Variants in OSR2 observed in about 807,000 individuals in gnomAD.
The protein encoded by OSR2 is odd-skipped related transciption factor 2, also known as protein odd-skipped-related 2.
In OSR2, 8 loss-of-function variants were observed where a neutral mutation model predicts 22.3. The ratio of observed to expected loss-of-function variants is 0.36; its 90% CI spans 0.21 to 0.65. The LOEUF is 0.65. Ranked by LOEUF, OSR2 falls within the 30% of genes least tolerant of loss-of-function variation. OSR2 has a pLI of 0.66. For synonymous variants in OSR2, 179 were observed against 173.8 expected (o/e 1.03, Z -0.23); for missense variants, 311 against 413.4 (o/e 0.75, Z 2.15).
Position 98,949,684 on chromosome 8 carries a change from C to T in OSR2, c.656+76C>T. 1 of 1,489,266 alleles carries T rather than the reference C, an allele frequency of 6.7e-7. No homozygotes were observed. Among genetic ancestry groups the T allele is most frequent in the Non-Finnish European group, 9.1e-7 (1 of 1,101,420 alleles). The allele number at this position is 1,489,266 out of a possible 1,614,324, so 92.3% of individuals were successfully genotyped here. On this transcript the variant is annotated intron_variant, in intron 2 of 3. Coordinates refer to ENST00000297565, the MANE Select transcript of OSR2 (RefSeq NM_001142462.3). This position sits in a 1 kb window ranked among gnomAD's most constrained non-coding sequence, Gnocchi z 5.9. ...GACACACCGAGTCCTGATAGACATT[C>T]CCAGTGTCATTATAATCCCCTGTGA...
At position 98,951,726 on chromosome 8, in the gene OSR2, C is replaced by T. The variant is rs763758294; in HGVS notation, c.*25C>T. The T allele has an allele frequency of 1.1e-5, 18 of 1,590,134 alleles. No homozygotes were observed. Among genetic ancestry groups the T allele is most frequent in the Middle Eastern group, 1.9e-4 (1 of 5,182 alleles). ...GAGAAGCCCAGGATCTGTCCCGTGCCGCCGCTGCTCCCCTCCCCAGACACC... is the reference window on the plus strand; with the variant it reads ...GAGAAGCCCAGGATCTGTCCCGTGCTGCCGCTGCTCCCCTCCCCAGACACC... On this transcript the variant is annotated 3_prime_UTR_variant, in exon 4 of 4. Transcript: ENST00000297565.
intron 3 of OSR2, 112 bp from the exon 4 acceptor site, chr8:98,951,407 T>G: frequency 9.8e-7 from 1 of 1,022,850 alleles, no homozygotes. Context: ...CCTCTTTTGT[T>G]GTCATGAGAG....
rs777016854 is a variant in OSR2, at chr8:98,948,801, T to A, written c.-114-38T>A. ...GGGCAGAAGGAGCAGCCTTGGATTA[T>A]AGTCACGGTCTCTCCCTCTCTTCCC... On this transcript the variant is annotated intron_variant, in intron 1 of 3. Coordinates refer to ENST00000297565, the MANE Select transcript of OSR2 (RefSeq NM_001142462.3). The surrounding 1 kb of genome is among the most constrained non-coding windows in gnomAD (Gnocchi z 6.0). The A allele has an allele frequency of 6.6e-7, 1 of 1,507,398 alleles. No homozygotes were observed. Among genetic ancestry groups the A allele is most frequent in the Admixed American group, 2.0e-5 (1 of 49,260 alleles). The allele number at this position is 1,507,398 out of a possible 1,614,324, so 93.4% of individuals were successfully genotyped here. A position where few individuals can be genotyped will look rare whatever the true frequency, so the allele number is the denominator to read the frequency against.
chr8:98,949,317 C>G lies in OSR2; in HGVS notation c.365C>G (p.Ala122Gly). Residue 122 changes from alanine (A) to glycine (G), a missense_variant, in exon 2 of 4, where the codon GCG becomes GGG. By Grantham distance (60) the Ala-to-Gly change is moderately conservative. Around this residue, in one of 5 missense-constraint regions of OSR2, gnomAD observed 3 missense variants for 18.5 expected, o/e 0.16. Transcript: ENST00000297565. This position sits in a 1 kb window ranked among gnomAD's most constrained non-coding sequence, Gnocchi z 5.9. ...CCCCGTTTTGACTTTGCCAATTTGG[C>G]GGTGGCTGCCACGCAAGAGGATCCG... ...DRPRFDFANL[A>G]VAATQEDPPK... 1 of 1,613,236 alleles carries G rather than the reference C, an allele frequency of 6.2e-7. No homozygotes were observed. Among genetic ancestry groups the G allele is most frequent in the Non-Finnish European group, 8.5e-7 (1 of 1,179,462 alleles).
At position 98,949,011 on chromosome 8, in the gene OSR2, A is replaced by C; in HGVS notation, c.59A>C (p.Asn20Thr). 6.2e-7 allele frequency: 1 copy of C among 1,613,880 alleles called. No individual in the cohort carries two copies. Among genetic ancestry groups the C allele is most frequent in the Non-Finnish European group, 8.5e-7 (1 of 1,179,888 alleles). ...CTCCACCCGTCGCTGCAGCTCACCA[A>C]TTACTCCTTCCTGCAGGCCGTGAAC... ...IPLHPSLQLT[N>T]YSFLQAVNTF... is the part of the protein sequence containing the mutation. The change falls in exon 2 of 4, where the codon AAT (asparagine) becomes ACT (threonine). Residue 20 changes from asparagine to threonine, a missense_variant. Physicochemically the swap from Asn to Thr is moderately conservative, Grantham distance 65 (BLOSUM62 0). Coordinates refer to ENST00000297565, the MANE Select transcript of OSR2 (RefSeq NM_001142462.3). This position sits in a 1 kb window ranked among gnomAD's most constrained non-coding sequence, Gnocchi z 5.9.
rs552586542 is a variant in OSR2, at chr8:98,950,356, T to C, written c.657-300T>C. 3.3e-5 allele frequency among the ~76,000 whole-genome samples: 5 copies of C among 152,238 alleles called. No individual in the cohort carries two copies. In the East Asian group the frequency reaches 9.7e-4, roughly 29 times the overall value. ...TTGCCTTACATCCTGATTTGGCCAA[T>C]TTAAATCCCAGAGAAAACCATGGAG... On this transcript the variant is annotated intron_variant, in intron 2 of 3. Transcript: ENST00000297565.
In OSR2 at chr8:98,948,173, A is replaced by T; in HGVS notation, c.-114-666A>T. The T allele has an allele frequency of 7.2e-7, 1 of 1,388,936 alleles. No individual in the cohort carries two copies. The allele number at this position is 1,388,936 out of a possible 1,614,324, so 86.0% of individuals were successfully genotyped here. A position where few individuals can be genotyped will look rare whatever the true frequency, so the allele number is the denominator to read the frequency against. On this transcript the variant is annotated intron_variant, in intron 1 of 3. Transcript: ENST00000297565. This position sits in a 1 kb window ranked among gnomAD's most constrained non-coding sequence, Gnocchi z 6.0. ...TCCTGCGGCCCGTCACCGCTGATAG[A>T]TGGGGCTGAGGGCAGAGGAAGGAAA...
Position 98,948,288 on chromosome 8 carries a change from G to A in OSR2, c.-114-551G>A. The A allele has an allele frequency of 6.6e-7, 1 of 1,522,288 alleles. No individual in the cohort carries two copies. The highest frequency in any genetic ancestry group is 2.0e-5 in the Admixed American group (1 of 49,586). The allele number at this position is 1,522,288 out of a possible 1,614,324, so 94.3% of individuals were successfully genotyped here. A position where few individuals can be genotyped will look rare whatever the true frequency, so the allele number is the denominator to read the frequency against. ...GATGAAGCGCGCCGGCTTCGCTCTT[G>A]CACGCCGGCTTGCCATCCGGGTAAG... On this transcript the variant is annotated intron_variant, in intron 1 of 3. Transcript: ENST00000297565. This position sits in a 1 kb window ranked among gnomAD's most constrained non-coding sequence, Gnocchi z 6.0.
In OSR2 at chr8:98,948,850, C is replaced by T. The variant is rs765969658; in HGVS notation, c.-103C>T. 1.2e-6 allele frequency: 2 copies of T among 1,602,368 alleles called. No homozygotes were observed. The highest frequency in any genetic ancestry group is 1.1e-5 in the South Asian group (1 of 90,064). On this transcript the variant is annotated 5_prime_UTR_variant, in exon 2 of 4. The change creates a new upstream start codon in the 5' untranslated region. Transcript: ENST00000297565. The surrounding 1 kb of genome is among the most constrained non-coding windows in gnomAD (Gnocchi z 6.0). ...CCTGCCATTTTTAGGGCTTTCTCTA[C>T]GTGCTGTTGTCTCACTGGGTTTTTG...
rs545725252 is a variant in OSR2 at position 98,949,117 on chromosome 8, G to A, written c.165G>A (p.Thr55=). The A allele has an allele frequency of 1.2e-5, 20 of 1,613,784 alleles. No individual in the cohort carries two copies. Among genetic ancestry groups the A allele is most frequent in the Non-Finnish European group, 1.6e-5 (19 of 1,179,846 alleles). Residue 55 remains threonine (T), a synonymous_variant, in exon 2 of 4, where the codon ACG becomes ACA. Transcript: ENST00000297565. The surrounding 1 kb of genome is among the most constrained non-coding windows in gnomAD (Gnocchi z 5.9). The stretch of plus-strand genomic sequence containing the variant: ...AGACCATGCACATGAACCACTGGAC[G>A]CTGGGGTATCCCAATGTGCACGAGA... ...AVQTMHMNHW[T]LGYPNVHEIT...
intron 1 of OSR2, among the ~76,000 whole-genome samples, chr8:98,945,212 G>C (rs1840571293): frequency 6.6e-6 from 1 of 152,242 alleles, no homozygotes; most frequent in Admixed American, 6.5e-5. Context: ...GCGTGGACGG[G>C]CCCGGACACC....
intron 1 of OSR2, among the ~76,000 whole-genome samples, chr8:98,945,291 T>C (rs1198988357): frequency 6.6e-6 from 1 of 152,232 alleles, no homozygotes. Context: ...CTCGGTAATT[T>C]GTCAACCTCG....
At chr8:98,946,560 A>G (rs900660436) in intron 1 of OSR2, among the ~76,000 whole-genome samples, 1 of 152,014 alleles carries the variant, frequency 6.6e-6, no homozygotes, top group Non-Finnish European at 1.5e-5. Context: ...ACTATGAAAT[A>G]GCACTTTTTT....
At chr8:98,950,954 A>C in intron 3 of OSR2, 199 bp downstream of exon 3, 2 of 608,442 alleles carry the variant, frequency 3.3e-6, no homozygotes, top group Non-Finnish European at 5.8e-6. Context: ...ATTTTTCTCA[A>C]AAAACGGCCA....
intron 1 of OSR2, among the ~76,000 whole-genome samples, chr8:98,946,564 C>CTTT (rs35793128): frequency 6.8e-6 from 1 of 147,524 alleles, no homozygotes; most frequent in Admixed American, 6.7e-5. Flanking sequence ...TGAAATAGCA[C>CTTT]TTTTTTTTTT....
In OSR2 at chr8:98,949,330, G is replaced by A. The variant is rs567369139; in HGVS notation, c.378G>A (p.Thr126=). ...TTGCCAATTTGGCGGTGGCTGCCAC[G>A]CAAGAGGATCCGCCTAAGATGGGAG... The part of the protein sequence containing the change: ...FDFANLAVAA[T]QEDPPKMGDL... Residue 126 remains threonine (T), a synonymous_variant, in exon 2 of 4, where the codon ACG becomes ACA. Coordinates refer to ENST00000297565, the MANE Select transcript of OSR2 (RefSeq NM_001142462.3). This position sits in a 1 kb window ranked among gnomAD's most constrained non-coding sequence, Gnocchi z 5.9. 1,024 of 1,613,234 alleles carry A rather than the reference G, an allele frequency of 6.3e-4. 10 individuals carry two copies. The South Asian group carries it at 0.011, about 17-fold the overall frequency.
intron 1 of OSR2, among the ~76,000 whole-genome samples, chr8:98,947,579 G>A (rs1554707734): frequency 6.6e-6 from 1 of 152,214 alleles, no homozygotes; most frequent in Non-Finnish European, 1.5e-5. Flanking sequence ...AAAAGGGGCT[G>A]GTAGTGGGAG....
chr8:98,948,632 C>A lies in OSR2; in HGVS notation c.-114-207C>A. The A allele has an allele frequency of 1.0e-6, 1 of 963,160 alleles. No individual in the cohort carries two copies. Among genetic ancestry groups the A allele is most frequent in the Non-Finnish European group, 1.5e-6 (1 of 672,448 alleles). The allele number at this position is 963,160 out of a possible 1,614,324, so 59.7% of individuals were successfully genotyped here. ...TTTGGGCACGCGCTCGCCAGTGGAG[C>A]ACTTCTTGTTCTGGCCCCGGGCTGA... On this transcript the variant is annotated intron_variant, in intron 1 of 3. Coordinates refer to ENST00000297565, the MANE Select transcript of OSR2 (RefSeq NM_001142462.3). The surrounding 1 kb of genome is among the most constrained non-coding windows in gnomAD (Gnocchi z 6.0).
chr8:98,947,062 G>T (rs955993490), intron 1 of OSR2, among the ~76,000 whole-genome samples: 2 of 151,864 alleles, frequency 1.3e-5, no homozygotes, highest in African/African-American at 4.8e-5. Context: ...TAAGAGACTT[G>T]CCACCGAGCA....
Sources: allele counts gnomAD v4.1 joint callset (sites outside exome capture counted in the v4.1 genomes callset), GRCh38; gene constraint gnomAD v4.1.1; regional missense constraint gnomAD v4.1.1; non-coding constraint Gnocchi (gnomAD v3.1); transcripts MANE v1.5; gene names NCBI Gene and HGNC (gene_info 2026-07-23, HGNC 2026-07-21).